Variants in UBE2L3 observed in about 807,000 individuals in gnomAD.
UBE2L3 encodes ubiquitin-conjugating enzyme E2 L3.
Under a neutral mutation model 17.8 loss-of-function variants are expected in UBE2L3, and 1 was observed. The observed-to-expected ratio is 0.06, with a 90% CI of 0.02 to 0.27. The LOEUF is 0.27. Ranked by LOEUF, UBE2L3 falls within the 10% of genes least tolerant of loss-of-function variation. The pLI, the probability that UBE2L3 is intolerant of heterozygous loss-of-function variation, is 1.00. For synonymous variants in UBE2L3, 44 were observed against 68.5 expected (o/e 0.64, Z 1.76); for missense variants, 40 against 192.6 (o/e 0.21, Z 4.69).
chr22:21,618,692 A>G (rs191382269), intron 3 of UBE2L3, among the ~76,000 whole-genome samples: 67 of 152,240 alleles, frequency 4.4e-4, no homozygotes, highest in Non-Finnish European at 7.5e-4. Flanking sequence ...GGCTCAAGCA[A>G]TCATCCCACC....
At chr22:21,591,193 C>G (rs988150157) in intron 1 of UBE2L3, among the ~76,000 whole-genome samples, 1 of 152,190 alleles carries the variant, frequency 6.6e-6, no homozygotes, top group Admixed American at 6.5e-5. Context: ...CCACCCCATT[C>G]CTCACTGCAG....
rs150444367 is a variant in UBE2L3, at chr22:21,594,158, C to T, written c.123+1202C>T. Reference sequence around the variant, plus strand: ...TGTTCCTTTTCATTCCCACTTTGCACATCTGAGCCTCTGGCCCTTGCCCTG... The same window carrying T: ...TGTTCCTTTTCATTCCCACTTTGCATATCTGAGCCTCTGGCCCTTGCCCTG... On this transcript the variant is annotated intron_variant, in intron 2 of 3. Transcript: ENST00000342192. 9.7e-3 allele frequency among the ~76,000 whole-genome samples: 1,471 copies of T among 152,348 alleles called. 29 individuals are homozygous for T. The highest frequency in any genetic ancestry group is 0.034 in the African/African-American group (1,402 of 41,576).
upstream of UBE2L3, among the ~76,000 whole-genome samples, chr22:21,563,348 G>A (rs775184065): frequency 5.6e-4 from 84 of 149,584 alleles, no homozygotes; most frequent in Non-Finnish European, 1.1e-3. Context: ...TCAGGAGATC[G>A]AGAGCATCCT....
chr22:21,620,340 C>A (rs1402102875), intron 3 of UBE2L3, among the ~76,000 whole-genome samples: 2 of 152,014 alleles, frequency 1.3e-5, no homozygotes, highest in African/African-American at 4.8e-5. Flanking sequence ...GCAGGAGGAT[C>A]ATTTACACCC....
At chr22:21,593,087 G>A (rs532387026) in intron 2 of UBE2L3, 131 bp downstream of exon 2, 24 of 729,624 alleles carry the variant, frequency 3.3e-5, no homozygotes, top group African/African-American at 3.1e-4. Context: ...AGTGGCTGTC[G>A]CTCTAGGGTG....
chr22:21,610,388 T>C (rs1448144002), intron 2 of UBE2L3, among the ~76,000 whole-genome samples: 7 of 152,208 alleles, frequency 4.6e-5, no homozygotes, highest in Non-Finnish European at 7.3e-5. Context: ...ACAAAACCTA[T>C]AGAATGTGCA....
At chr22:21,576,422 C>T (rs1046356320) in intron 1 of UBE2L3, among the ~76,000 whole-genome samples, 3 of 151,724 alleles carry the variant, frequency 2.0e-5, no homozygotes, top group Admixed American at 6.6e-5. Context: ...CTCAGCCTCC[C>T]GAGTAGCCAG....
upstream of UBE2L3, among the ~76,000 whole-genome samples, chr22:21,563,765 C>T (rs1279452546): frequency 3.3e-5 from 5 of 150,916 alleles, no homozygotes; most frequent in South Asian, 2.1e-4. Context: ...TTAGTAGAGA[C>T]GGCATTTCAC....
chr22:21,561,316 C>G (rs909159686), intron 1 of UBE2L3, among the ~76,000 whole-genome samples: 1 of 152,304 alleles, frequency 6.6e-6, no homozygotes, highest in African/African-American at 2.4e-5. Context: ...TGGCTAACAC[C>G]TGTAATCCCA....
intron 1 of UBE2L3, among the ~76,000 whole-genome samples, chr22:21,573,915 G>A (rs1927119054): frequency 6.6e-6 from 1 of 152,202 alleles, no homozygotes. Flanking sequence ...ACCTCCCTCT[G>A]CCAGGCCAGC....
chr22:21,614,531 T>C lies in UBE2L3; in HGVS notation c.310+3488T>C, dbSNP rs774640549. ...TTGTCTCCAGAGCACCTGCTCATGA[T>C]TTTTGTCTCCTGCCCTTGTCCTTAG... is the stretch of plus-strand genomic sequence containing the variant. On this transcript the variant is annotated intron_variant, in intron 3 of 3. Coordinates refer to ENST00000342192, the MANE Select transcript of UBE2L3 (RefSeq NM_003347.4). 3.0e-6 allele frequency: 4 copies of C among 1,352,630 alleles called. No individual in the cohort carries two copies. In the East Asian group the frequency reaches 1.8e-4, roughly 62 times the overall value. The allele number at this position is 1,352,630 out of a possible 1,614,324, so 83.8% of individuals were successfully genotyped here.
chr22:21,593,182 G>T (rs527862668), intron 2 of UBE2L3, among the ~76,000 whole-genome samples: 1 of 152,204 alleles, frequency 6.6e-6, no homozygotes, highest in South Asian at 2.1e-4. Context: ...CCTGAGCTTT[G>T]CAGATCTGTA....
At chr22:21,568,171 C>T in intron 1 of UBE2L3, 1 of 1,005,254 alleles carries the variant, frequency 9.9e-7, no homozygotes, top group Non-Finnish European at 1.2e-6. Flanking sequence ...GGAGCCCGCG[C>T]CGCGGAACCG....
At chr22:21,605,300 C>T (rs368501796) in intron 2 of UBE2L3, among the ~76,000 whole-genome samples, 8 of 152,152 alleles carry the variant, frequency 5.3e-5, no homozygotes, top group African/African-American at 9.7e-5. Context: ...TCACTGCAGC[C>T]GGTGCCTCCT....
intron 1 of UBE2L3, among the ~76,000 whole-genome samples, chr22:21,589,717 G>C (rs985298625): frequency 6.6e-6 from 1 of 152,144 alleles, no homozygotes; most frequent in South Asian, 2.1e-4. Flanking sequence ...GAAGATGTCA[G>C]GGCCTGTTTG....
At position 21,592,927 on chromosome 22, in the gene UBE2L3, T is replaced by G; in HGVS notation, c.94T>G (p.Leu32Val). ...TAACATCCAGGTTGATGAAGCTAAT[T>G]TATTGACTTGGCAAGGGCTTATTGT... ...FRNIQVDEAN[L>V]LTWQGLIVPD... The change falls in exon 2 of 4, where the codon TTA (leucine) becomes GTA (valine). Residue 32 changes from leucine (L) to valine (V), a missense_variant. Coordinates refer to ENST00000342192, the MANE Select transcript of UBE2L3 (RefSeq NM_003347.4). 2.5e-6 allele frequency: 4 copies of G among 1,614,158 alleles called. No homozygotes were observed. In the South Asian group the frequency reaches 4.4e-5, roughly 18 times the overall value.
chr22:21,590,977 G>A (rs769646636), intron 1 of UBE2L3, among the ~76,000 whole-genome samples: 4 of 152,196 alleles, frequency 2.6e-5, no homozygotes, highest in Non-Finnish European at 5.9e-5. Context: ...ATTCTATTTG[G>A]AGAGTGGAAG....
chr22:21,576,266 C>A (rs187046152), intron 1 of UBE2L3, among the ~76,000 whole-genome samples: 42 of 151,926 alleles, frequency 2.8e-4, no homozygotes, highest in Admixed American at 1.6e-3. Flanking sequence ...AGGCGCACGC[C>A]ACCACGCCTG....
At chr22:21,617,158 A>G (rs924298397) in intron 3 of UBE2L3, among the ~76,000 whole-genome samples, 11 of 151,924 alleles carry the variant, frequency 7.2e-5, no homozygotes, top group African/African-American at 2.4e-4. Flanking sequence ...AAAAAAAAAA[A>G]AAAAAGAAAA....
Sources: allele counts gnomAD v4.1 joint callset (sites outside exome capture counted in the v4.1 genomes callset), GRCh38; gene constraint gnomAD v4.1.1; transcripts MANE v1.5; gene names NCBI Gene and HGNC (gene_info 2026-07-23, HGNC 2026-07-21).